Variants in DPYSL3 observed in about 807,000 individuals in gnomAD.
DPYSL3 encodes the protein dihydropyrimidinase-related protein 3.
DPYSL3 carries 16 observed loss-of-function variants against 66.1 expected under a neutral mutation model. The observed-to-expected ratio is 0.24, with a 90% CI of 0.16 to 0.37. The LOEUF is 0.37. DPYSL3 is among the 10% of genes least tolerant of loss of function. The pLI is 1.00. For synonymous variants in DPYSL3, 338 were observed against 345.1 expected (o/e 0.98, Z 0.23); for missense variants, 738 against 916.2 (o/e 0.81, Z 2.51).
chr5:147,490,625 C>CA lies in DPYSL3; in HGVS notation c.381+18852dup, dbSNP rs147266150. Among the ~76,000 whole-genome samples the CA allele has an allele frequency of 5.1e-3, 775 of 151,882 alleles. 9 individuals are homozygous for CA. The highest frequency in any genetic ancestry group is 0.017 in the African/African-American group (709 of 41,446). Reference sequence around the variant, plus strand: ...AAAAACAAGTAAAACGCTAAACAAACAAAAAAAATCAATAGCTTTTCTTAG... The same window carrying CA: ...AAAAACAAGTAAAACGCTAAACAAACAAAAAAAAATCAATAGCTTTTCTTAG... On this transcript the variant is annotated intron_variant, in intron 1 of 13. Transcript: ENST00000343218.
At chr5:147,410,856 A>G (rs1476064381) in intron 6 of DPYSL3, among the ~76,000 whole-genome samples, 1 of 152,108 alleles carries the variant, frequency 6.6e-6, no homozygotes, top group Non-Finnish European at 1.5e-5. Flanking sequence ...CACACAATAA[A>G]CTCATCCAAA....
chr5:147,445,581 TC>T (rs1344498889), intron 1 of DPYSL3, among the ~76,000 whole-genome samples: 3 of 152,094 alleles, frequency 2.0e-5, no homozygotes, highest in African/African-American at 7.2e-5. Flanking sequence ...ACAAAAACCA[TC>T]CCTATCCTCA....
At chr5:147,414,243 G>A (rs1751917393) in intron 4 of DPYSL3, among the ~76,000 whole-genome samples, 1 of 152,196 alleles carries the variant, frequency 6.6e-6, no homozygotes, top group Non-Finnish European at 1.5e-5. Flanking sequence ...ATTTTACTGT[G>A]CAGGGTGTTG....
chr5:147,503,115 C>G (rs1269218758), intron 1 of DPYSL3, among the ~76,000 whole-genome samples: 4 of 152,124 alleles, frequency 2.6e-5, no homozygotes, highest in Non-Finnish European at 5.9e-5. Context: ...TGACAATGGA[C>G]TCATTAATGA....
intron 1 of DPYSL3, among the ~76,000 whole-genome samples, chr5:147,444,420 A>G (rs1174739319): frequency 1.3e-5 from 2 of 152,236 alleles, no homozygotes; most frequent in African/African-American, 4.8e-5. Flanking sequence ...TATTAAACTA[A>G]CTTTTGCCAG....
chr5:147,484,281 G>A (rs550821307), intron 1 of DPYSL3, among the ~76,000 whole-genome samples: 1 of 152,302 alleles, frequency 6.6e-6, no homozygotes, highest in Admixed American at 6.5e-5. Context: ...ATGTCTCGCT[G>A]AGGGCTTTTC....
At chr5:147,395,268 AG>A (rs1368959165) in intron 13 of DPYSL3, among the ~76,000 whole-genome samples, 1 of 152,214 alleles carries the variant, frequency 6.6e-6, no homozygotes, top group East Asian at 1.9e-4. Flanking sequence ...CAATTCATAG[AG>A]GGGACCAGCT....
At chr5:147,421,929 C>T (rs1752088512) in intron 2 of DPYSL3, among the ~76,000 whole-genome samples, 1 of 152,140 alleles carries the variant, frequency 6.6e-6, no homozygotes, top group African/African-American at 2.4e-5. Context: ...TAGGCAATAC[C>T]ACTCAGGGCA....
intron 9 of DPYSL3, 61 bp downstream of exon 9, chr5:147,401,479 C>T: frequency 6.6e-7 from 1 of 1,524,392 alleles, no homozygotes; most frequent in Non-Finnish European, 8.8e-7. Flanking sequence ...GTCCTCAACC[C>T]CCAGCTGGAC....
At position 147,509,810 on chromosome 5, in the gene DPYSL3, G is replaced by A; in HGVS notation, c.49C>T (p.Pro17Ser). 1 of 1,535,832 alleles carries A rather than the reference G, an allele frequency of 6.5e-7. No individual in the cohort carries two copies. The highest frequency in any genetic ancestry group is 8.7e-7 in the Non-Finnish European group (1 of 1,146,694). ...GWDSSHEDDL[P>S]VYLARPGTTD... ...GTGCCCGGCCTGGCCAGGTACACGG[G>A]CAGATCGTCTTCGTGGGAGCTGTCC... is the stretch of plus-strand genomic sequence containing the variant. Residue 17 changes from proline to serine, a missense_variant, in exon 1 of 14, where the codon CCC becomes TCC. By Grantham distance (74) the Pro-to-Ser change is moderately conservative. Coordinates refer to ENST00000343218, the MANE Select transcript of DPYSL3 (RefSeq NM_001197294.2). This position sits in a 1 kb window ranked among gnomAD's most constrained non-coding sequence, Gnocchi z 5.3.
chr5:147,419,909 G>C (rs1186152008), intron 2 of DPYSL3, among the ~76,000 whole-genome samples: 1 of 152,024 alleles, frequency 6.6e-6, no homozygotes, highest in African/African-American at 2.4e-5. Context: ...CTCTCTCACA[G>C]GTTCTCCTTT....
chr5:147,503,700 G>A (rs376524878), intron 1 of DPYSL3, among the ~76,000 whole-genome samples: 17 of 152,064 alleles, frequency 1.1e-4, no homozygotes, highest in Admixed American at 7.9e-4. Context: ...AAAAATTTTC[G>A]TTTAAAGATG....
intron 1 of DPYSL3, among the ~76,000 whole-genome samples, chr5:147,472,481 A>T (rs1186418061): frequency 6.6e-6 from 1 of 152,100 alleles, no homozygotes; most frequent in Admixed American, 6.5e-5. Flanking sequence ...TTTGCTTCCA[A>T]CCTCTTTGGG....
At chr5:147,401,903 A>C in intron 8 of DPYSL3, 1 of 479,892 alleles carries the variant, frequency 2.1e-6, no homozygotes, top group East Asian at 3.9e-5. Flanking sequence ...GATTAAAAGA[A>C]GCCATTGGTT....
At chr5:147,420,418 T>C (rs142708491) in intron 2 of DPYSL3, among the ~76,000 whole-genome samples, 38 of 152,336 alleles carry the variant, frequency 2.5e-4, no homozygotes, top group African/African-American at 9.1e-4. Flanking sequence ...ATACTTGATA[T>C]GCCACTCCTT....
intron 1 of DPYSL3, among the ~76,000 whole-genome samples, chr5:147,461,952 T>C (rs1417730238): frequency 6.6e-6 from 1 of 152,124 alleles, no homozygotes; most frequent in African/African-American, 2.4e-5. Context: ...CCACCAAAGA[T>C]AGAGAGTAAA....
At chr5:147,434,860 T>A (rs1166992901) in intron 1 of DPYSL3, among the ~76,000 whole-genome samples, 1 of 152,182 alleles carries the variant, frequency 6.6e-6, no homozygotes, top group Non-Finnish European at 1.5e-5. Context: ...TTTTCATTTG[T>A]TAAGACCCGT....
At chr5:147,415,682 GA>G in intron 4 of DPYSL3, 26 bp downstream of exon 4, 1 of 1,608,166 alleles carries the variant, frequency 6.2e-7, no homozygotes, top group Non-Finnish European at 8.5e-7. Flanking sequence ...GCTAAGAGAG[GA>G]GGGAGGACGG....
rs1032324991 is a variant in DPYSL3 at position 147,453,469 on chromosome 5, G to A, written c.382-28506C>T. On this transcript the variant is annotated intron_variant, in intron 1 of 13. Coordinates refer to ENST00000343218, the MANE Select transcript of DPYSL3 (RefSeq NM_001197294.2). The stretch of plus-strand genomic sequence containing the variant: ...CGGGGACCAGGCCAGAGAAGCCGGC[G>A]GGATCCGAGCCGACCCCGCCCGCAG... 12 of 1,472,486 alleles carry A rather than the reference G, an allele frequency of 8.1e-6. No homozygotes were observed. The African/African-American group carries it at 1.8e-4, about 22-fold the overall frequency. The allele number at this position is 1,472,486 out of a possible 1,614,324, so 91.2% of individuals were successfully genotyped here.
Sources: allele counts gnomAD v4.1 joint callset (sites outside exome capture counted in the v4.1 genomes callset), GRCh38; gene constraint gnomAD v4.1.1; non-coding constraint Gnocchi (gnomAD v3.1); transcripts MANE v1.5; gene names NCBI Gene and HGNC (gene_info 2026-07-23, HGNC 2026-07-21).